The following PRKD1 variants were observed in gnomAD, a reference collection of about 807,000 sequenced individuals.
PRKD1 encodes the protein protein kinase D1, also known as serine/threonine-protein kinase D1.
PRKD1 carries 63 observed loss-of-function variants against 95.9 expected under a neutral mutation model. That is an observed-to-expected ratio of 0.66 (90% CI 0.54 to 0.81). The LOEUF (loss-of-function observed/expected upper bound fraction) is 0.81. Ranked by LOEUF, PRKD1 falls within the 30% of genes least tolerant of loss-of-function variation. The pLI, the probability that PRKD1 is intolerant of heterozygous loss-of-function variation, is 0.00. For missense variants in PRKD1, 1,048 were observed against 1,165.3 expected (o/e 0.90, Z 1.47); for synonymous variants, 425 against 423.1 (o/e 1.00, Z -0.05).
At chr14:29,790,322 G>T (rs892059082) in intron 1 of PRKD1, among the ~76,000 whole-genome samples, 1 of 151,966 alleles carries the variant, frequency 6.6e-6, no homozygotes, top group Non-Finnish European at 1.5e-5. Flanking sequence ...CACGCCCACA[G>T]TCTAATTATT....
At chr14:29,848,625 T>C (rs1253038057) in intron 1 of PRKD1, among the ~76,000 whole-genome samples, 1 of 150,606 alleles carries the variant, frequency 6.6e-6, no homozygotes, top group Non-Finnish European at 1.5e-5. Context: ...GAATCTGATT[T>C]CCAGAGCTAC....
intron 1 of PRKD1, among the ~76,000 whole-genome samples, chr14:29,730,870 G>T (rs950049401): frequency 6.6e-6 from 1 of 152,116 alleles, no homozygotes; most frequent in Non-Finnish European, 1.5e-5. Context: ...GAAATGGTCA[G>T]TGATGTTGGA....
chr14:29,888,898 A>G (rs1893837336), intron 1 of PRKD1, among the ~76,000 whole-genome samples: 2 of 152,232 alleles, frequency 1.3e-5, no homozygotes, highest in South Asian at 4.1e-4. Flanking sequence ...TTTAAGGTGA[A>G]AATAGCTTAC....
chr14:29,888,012 C>T (rs569878472), intron 1 of PRKD1, among the ~76,000 whole-genome samples: 6 of 152,126 alleles, frequency 3.9e-5, no homozygotes, highest in Non-Finnish European at 7.4e-5. Flanking sequence ...GTATAAATGC[C>T]ATATGAGGCT....
intron 1 of PRKD1, among the ~76,000 whole-genome samples, chr14:29,906,408 A>G (rs1894497454): frequency 6.6e-6 from 1 of 152,000 alleles, no homozygotes; most frequent in Non-Finnish European, 1.5e-5. Context: ...GCATGGTGGT[A>G]TGCTCCAGTG....
chr14:29,586,090 A>G (rs1798788415), intron 16 of PRKD1, among the ~76,000 whole-genome samples: 2 of 152,174 alleles, frequency 1.3e-5, no homozygotes, highest in Non-Finnish European at 2.9e-5. Flanking sequence ...TGGACTTTAA[A>G]CCACATTTTG....
chr14:29,766,263 T>A (rs12896375), intron 1 of PRKD1, among the ~76,000 whole-genome samples: 29,362 of 152,108 alleles, frequency 0.19, 3,019 homozygotes, highest in South Asian at 0.27. Flanking sequence ...AACCCTCTCC[T>A]TTGCCCACTG....
In PRKD1 at chr14:29,630,784, T is replaced by C. The variant is rs749844577; in HGVS notation, c.1630A>G (p.Ile544Val). The C allele has an allele frequency of 1.9e-6, 3 of 1,613,966 alleles. No homozygotes were observed. The highest frequency in any genetic ancestry group is 4.5e-5 in the East Asian group (2 of 44,882). The change falls in exon 10 of 18, where the codon ATT becomes GTT. Residue 544 changes from isoleucine (I) to valine (V), a missense_variant. This residue lies in a region of PRKD1 where 739 missense variants were observed against 861.9 expected (regional missense o/e 0.86). Transcript: ENST00000331968. ...IAIQHALMPV[I>V]PKGSSVGTGT... ...GTACCCACGGAGGAGCCCTTGGGAA[T>C]GACGGGCATAAGGGCATGCTGGATG...
At chr14:29,704,077 A>G (rs184033218) in intron 2 of PRKD1, among the ~76,000 whole-genome samples, 2 of 152,276 alleles carry the variant, frequency 1.3e-5, no homozygotes, top group East Asian at 3.9e-4. Context: ...AAACAATACA[A>G]CACGGGACAA....
chr14:29,893,119 A>G (rs972400806), intron 1 of PRKD1, among the ~76,000 whole-genome samples: 1 of 152,162 alleles, frequency 6.6e-6, no homozygotes, highest in African/African-American at 2.4e-5. Flanking sequence ...GACAAAATGG[A>G]CAGATTAGTA....
At chr14:29,801,089 G>A (rs1216379392) in intron 1 of PRKD1, among the ~76,000 whole-genome samples, 2 of 152,094 alleles carry the variant, frequency 1.3e-5, no homozygotes, top group Non-Finnish European at 2.9e-5. Flanking sequence ...GTGTGTTTGT[G>A]TGTGTGTGTA....
intron 1 of PRKD1, among the ~76,000 whole-genome samples, chr14:29,880,837 C>T (rs1036720168): frequency 6.6e-6 from 1 of 152,190 alleles, no homozygotes; most frequent in East Asian, 1.9e-4. Context: ...AATTTGACTG[C>T]CCTGCTGGAT....
chr14:29,798,021 A>T (rs772437433), intron 1 of PRKD1, among the ~76,000 whole-genome samples: 2 of 152,212 alleles, frequency 1.3e-5, no homozygotes, highest in South Asian at 4.1e-4. Context: ...ATTGAAACTT[A>T]AGGCATTCCA....
At chr14:29,691,801 T>C (rs1307617164) in intron 2 of PRKD1, among the ~76,000 whole-genome samples, 1 of 152,146 alleles carries the variant, frequency 6.6e-6, no homozygotes, top group Non-Finnish European at 1.5e-5. Context: ...GCACTTAATA[T>C]TTCTATAATT....
chr14:29,805,591 T>C (rs1013114442), intron 1 of PRKD1, among the ~76,000 whole-genome samples: 4 of 152,204 alleles, frequency 2.6e-5, no homozygotes, highest in Non-Finnish European at 5.9e-5. Flanking sequence ...ATCCACAATG[T>C]AGAATAACTC....
intron 2 of PRKD1, among the ~76,000 whole-genome samples, chr14:29,689,787 C>T (rs572505888): frequency 6.6e-6 from 1 of 152,150 alleles, no homozygotes; most frequent in East Asian, 1.9e-4. Context: ...GAATACTATG[C>T]AGCCATAAAA....
intron 1 of PRKD1, among the ~76,000 whole-genome samples, chr14:29,827,274 T>C (rs1417449948): frequency 6.6e-6 from 1 of 152,066 alleles, no homozygotes; most frequent in Non-Finnish European, 1.5e-5. Context: ...TCAAATATTC[T>C]TGAGACCCAG....
At chr14:29,884,571 C>G (rs944289777) in intron 1 of PRKD1, among the ~76,000 whole-genome samples, 2 of 152,106 alleles carry the variant, frequency 1.3e-5, no homozygotes, top group Non-Finnish European at 2.9e-5. Flanking sequence ...TAAAACTATT[C>G]AGTCATTCAA....
intron 1 of PRKD1, among the ~76,000 whole-genome samples, chr14:29,855,480 C>T (rs1053509487): frequency 6.6e-6 from 1 of 152,158 alleles, no homozygotes; most frequent in Non-Finnish European, 1.5e-5. Flanking sequence ...GTGCCTTTTA[C>T]AGGATCATAG....
Sources: gnomAD v4.1 joint callset for allele counts (sites outside exome capture counted in the v4.1 genomes callset) on GRCh38, gnomAD v4.1.1 for gene constraint, gnomAD v4.1.1 regional missense constraint, MANE v1.5 for transcripts, NCBI Gene and HGNC (gene_info 2026-07-23, HGNC 2026-07-21) for gene names.